The following LAMB1 variants were observed in gnomAD, a reference collection of about 807,000 sequenced individuals.
The protein encoded by LAMB1 is laminin subunit beta 1, also known as laminin subunit beta-1.
A neutral mutation model predicts 222.3 loss-of-function variants in LAMB1; 121 were observed. The ratio of observed to expected loss-of-function variants is 0.54; its 90% CI spans 0.47 to 0.63. LAMB1 has a LOEUF of 0.63. Ranked by LOEUF, LAMB1 falls within the 30% of genes least tolerant of loss-of-function variation. The pLI, the probability that LAMB1 is intolerant of heterozygous loss-of-function variation, is 0.00. For synonymous variants in LAMB1, 794 were observed against 807.2 expected (o/e 0.98, Z 0.28); for missense variants, 2,172 against 2,240.8 (o/e 0.97, Z 0.62).
chr7:107,943,456 A>T (rs10229553), intron 24 of LAMB1, among the ~76,000 whole-genome samples: 32,139 of 152,086 alleles, frequency 0.21, 3,677 homozygotes, highest in East Asian at 0.42. Context: ...GTACCTTAAG[A>T]GTTTATGTTG....
rs1271809687 is a variant in LAMB1, at chr7:107,975,415, TGAG to T, written c.1190-5_1190-3del. The T allele has an allele frequency of 6.2e-7, 1 of 1,601,942 alleles. No individual in the cohort carries two copies. The highest frequency in any genetic ancestry group is 1.7e-5 in the Admixed American group (1 of 57,394). On this transcript the variant is annotated splice_region_variant and splice_polypyrimidine_tract_variant and intron_variant, in intron 10 of 33. Coordinates refer to ENST00000222399, the MANE Select transcript of LAMB1 (RefSeq NM_002291.3). ...AGCCAGCTGGGTCACACGTACATCC[TGAG>T]AAGAATGCAAAGCACCAGGTTAAAA...
chr7:107,947,885 G>A (rs1411371375), intron 24 of LAMB1, among the ~76,000 whole-genome samples: 1 of 151,506 alleles, frequency 6.6e-6, no homozygotes, highest in African/African-American at 2.4e-5. Context: ...ATTTCCAAAT[G>A]TCCCCACCCC....
At chr7:107,960,685 G>A (rs1306324545) in intron 17 of LAMB1, 36 bp from the exon 18 acceptor site, 15 of 1,576,196 alleles carry the variant, frequency 9.5e-6, no homozygotes, top group Non-Finnish European at 1.1e-5. Flanking sequence ...CATCCTTACA[G>A]TGGTGCCCCA....
chr7:107,924,726 G>A lies in LAMB1; in HGVS notation c.5065-337C>T, dbSNP rs544004656. On this transcript the variant is annotated intron_variant, in intron 32 of 33. Coordinates refer to ENST00000222399, the MANE Select transcript of LAMB1 (RefSeq NM_002291.3). ...TTTCAAAAGTAGATTAGACATTAGA[G>A]AAGCCCATATTGAAGAAGTGGAGGC... Among the ~76,000 whole-genome samples, 156 of 152,254 alleles carry A rather than the reference G, an allele frequency of 1.0e-3. No individual in the cohort carries two copies. In the Middle Eastern group the frequency reaches 0.017, roughly 17 times the overall value.
intron 5 of LAMB1, among the ~76,000 whole-genome samples, chr7:107,987,990 A>C (rs1472495102): frequency 6.6e-6 from 1 of 152,232 alleles, no homozygotes; most frequent in Non-Finnish European, 1.5e-5. Flanking sequence ...ACTTTAGAAA[A>C]ATAACTCTTG....
chr7:107,937,028 T>C (rs977662478), intron 26 of LAMB1, 65 bp downstream of exon 26: 6 of 1,318,036 alleles, frequency 4.6e-6, no homozygotes, highest in African/African-American at 3.0e-5. Context: ...AAAAGTGCTA[T>C]ATTAAAACGT....
intron 5 of LAMB1, among the ~76,000 whole-genome samples, chr7:107,992,050 C>T (rs749608288): frequency 6.6e-6 from 1 of 152,104 alleles, no homozygotes; most frequent in Non-Finnish European, 1.5e-5. Context: ...TTCCTTCTCT[C>T]ACTACCCCAA....
At chr7:107,954,705 G>A (rs1304264110) in intron 21 of LAMB1, among the ~76,000 whole-genome samples, 1 of 152,124 alleles carries the variant, frequency 6.6e-6, no homozygotes, top group Non-Finnish European at 1.5e-5. Flanking sequence ...GCTGGAGAAT[G>A]GCGTGAACCT....
At chr7:107,980,487 A>G in intron 8 of LAMB1, 122 bp downstream of exon 8, 1 of 757,038 alleles carries the variant, frequency 1.3e-6, no homozygotes, top group Admixed American at 2.4e-5. Flanking sequence ...GCAAAGGGCT[A>G]AATGTAACTC....
intron 23 of LAMB1, among the ~76,000 whole-genome samples, chr7:107,951,615 C>T (rs916346744): frequency 9.9e-5 from 15 of 152,192 alleles, no homozygotes; most frequent in Admixed American, 2.0e-4. Context: ...ACCTTTGACT[C>T]GCCTGACTTA....
intron 30 of LAMB1, 55 bp from the exon 31 acceptor site, chr7:107,929,260 T>G: frequency 6.3e-7 from 1 of 1,594,868 alleles, no homozygotes. Context: ...AAAAGTACTC[T>G]CAGTGTTCTT....
Position 107,960,428 on chromosome 7 carries a change from T to A in LAMB1, c.2314+17A>T. The A allele has an allele frequency of 6.2e-7, 1 of 1,601,378 alleles. No homozygotes were observed. Among genetic ancestry groups the A allele is most frequent in the Non-Finnish European group, 8.6e-7 (1 of 1,168,994 alleles). On this transcript the variant is annotated intron_variant, in intron 18 of 33. Transcript: ENST00000222399. ...AGCCAGAAACAGCAGCTGCTGCAGC[T>A]GCCCAGCAATACCTACCCAGGCCTG...
In LAMB1 at chr7:107,963,081, A is replaced by T. The variant is rs1311789019; in HGVS notation, c.1699-18T>A. 3.8e-6 allele frequency: 6 copies of T among 1,585,162 alleles called. No individual in the cohort carries two copies. Among genetic ancestry groups the T allele is most frequent in the East Asian group, 2.3e-5 (1 of 44,434 alleles). On this transcript the variant is annotated intron_variant, in intron 14 of 33. Coordinates refer to ENST00000222399, the MANE Select transcript of LAMB1 (RefSeq NM_002291.3). ...CTAACCCCCTGAGGGCATGGCAAAC[A>T]ATGGTTATTCTGTATTTGAAATGGA...
In LAMB1 at chr7:107,973,009, C is replaced by T. The variant is rs1270939788; in HGVS notation, c.1545G>A (p.Gly515=). The T allele has an allele frequency of 1.2e-6, 2 of 1,613,780 alleles. No homozygotes were observed. The highest frequency in any genetic ancestry group is 1.3e-5 in the African/African-American group (1 of 74,900). Residue 515 remains glycine (G), a synonymous_variant, in exon 13 of 34, where the codon GGG becomes GGA. Coordinates refer to ENST00000222399, the MANE Select transcript of LAMB1 (RefSeq NM_002291.3). ...CCATTTACCTGTTGTTTAAGGCTCC[C>T]CCAAGGTCACAGTCACATGGTCGAC... ...DGCRPCDCDL[G]GALNNSCFAE... is the part of the protein sequence containing the mutation.
At chr7:107,929,756 T>A in intron 29 of LAMB1, 137 bp from the exon 30 acceptor site, 1 of 677,594 alleles carries the variant, frequency 1.5e-6, no homozygotes, top group East Asian at 2.7e-5. Context: ...TGTTTAAGAG[T>A]TTATAATCTA....
chr7:107,926,448 C>T, intron 31 of LAMB1, 89 bp from the exon 32 acceptor site: 2 of 1,123,172 alleles, frequency 1.8e-6, no homozygotes, highest in South Asian at 1.5e-5. Flanking sequence ...TAAAAGTCTG[C>T]TGTGCCATTT....
At chr7:107,963,942 T>C (rs987560399) in intron 14 of LAMB1, among the ~76,000 whole-genome samples, 2 of 152,102 alleles carry the variant, frequency 1.3e-5, no homozygotes, top group Non-Finnish European at 2.9e-5. Flanking sequence ...CTACTAAAAA[T>C]ACAAAATTAG....
intron 24 of LAMB1, among the ~76,000 whole-genome samples, chr7:107,950,746 G>C (rs578176865): frequency 6.6e-6 from 1 of 152,144 alleles, no homozygotes; most frequent in East Asian, 1.9e-4. Flanking sequence ...GAGTCTAGTT[G>C]ATCCACTGAA....
At chr7:107,953,952 A>G (rs1401868683) in intron 21 of LAMB1, among the ~76,000 whole-genome samples, 198 bp from the exon 22 acceptor site, 1 of 152,202 alleles carries the variant, frequency 6.6e-6, no homozygotes, top group Non-Finnish European at 1.5e-5. Flanking sequence ...TATTACTTTC[A>G]GTGGCAAAAA....
Sources: allele counts gnomAD v4.1 joint callset (sites outside exome capture counted in the v4.1 genomes callset), GRCh38; gene constraint gnomAD v4.1.1; transcripts MANE v1.5; gene names NCBI Gene and HGNC (gene_info 2026-07-23, HGNC 2026-07-21).